UTRN: variants seen among roughly 807,000 people sequenced by gnomAD.
The protein encoded by UTRN is dystrophin-related protein 1.
UTRN carries 283 observed loss-of-function variants against 463.9 expected under a neutral mutation model. The observed-to-expected ratio is 0.61, with a 90% confidence interval of 0.55 to 0.67. UTRN has a LOEUF of 0.67. Ranked by LOEUF, UTRN falls within the 30% of genes least tolerant of loss-of-function variation. The pLI is 0.00. For missense variants in UTRN, 3,922 were observed against 4,084.3 expected (o/e 0.96, Z 1.08); for synonymous variants, 1,442 against 1,431.5 (o/e 1.01, Z -0.17).
At chr6:144,427,320 G>T (rs1785383652) in intron 7 of UTRN, among the ~76,000 whole-genome samples, 2 of 152,090 alleles carry the variant, frequency 1.3e-5, no homozygotes, top group Admixed American at 1.3e-4. Context: ...TGTTGTAAAT[G>T]ATTACTTTTC....
At chr6:144,458,051 C>T (rs996704125) in intron 19 of UTRN, among the ~76,000 whole-genome samples, 1 of 152,150 alleles carries the variant, frequency 6.6e-6, no homozygotes, top group African/African-American at 2.4e-5. Flanking sequence ...TTTTTAGGAA[C>T]ATTCTCTACT....
At chr6:144,583,203 T>G (rs1802144701) in intron 51 of UTRN, 1 of 322,106 alleles carries the variant, frequency 3.1e-6, no homozygotes, top group South Asian at 1.4e-4. Context: ...AGCGCTTGGC[T>G]GCTCGACAAC....
chr6:144,746,444 G>A (rs1366138655), intron 54 of UTRN, among the ~76,000 whole-genome samples: 1 of 152,000 alleles, frequency 6.6e-6, no homozygotes, highest in African/African-American at 2.4e-5. Flanking sequence ...CTCCTAGACA[G>A]TTACTTGAAC....
At chr6:144,355,909 C>A (rs1435589735) in intron 2 of UTRN, among the ~76,000 whole-genome samples, 1 of 151,978 alleles carries the variant, frequency 6.6e-6, no homozygotes, top group East Asian at 1.9e-4. Flanking sequence ...TAGAACATAC[C>A]AAATTTTGAA....
intron 2 of UTRN, among the ~76,000 whole-genome samples, chr6:144,384,467 C>T (rs1323013690): frequency 6.6e-6 from 1 of 152,010 alleles, no homozygotes; most frequent in African/African-American, 2.4e-5. Context: ...GAAACCACTC[C>T]CCCACTGCCT....
chr6:144,567,487 C>T (rs1466626917), intron 50 of UTRN, among the ~76,000 whole-genome samples: 2 of 152,072 alleles, frequency 1.3e-5, no homozygotes, highest in African/African-American at 2.4e-5. Flanking sequence ...AGAGATGCTC[C>T]TTTGGGTTCA....
chr6:144,515,354 AGTC>A (rs1181758049), intron 37 of UTRN, among the ~76,000 whole-genome samples: 38 of 152,362 alleles, frequency 2.5e-4, no homozygotes, highest in African/African-American at 8.7e-4. Context: ...TCAAAGACTC[AGTC>A]AAAGGTTAGA....
At chr6:144,439,498 C>CTTT (rs201351028) in intron 12 of UTRN, among the ~76,000 whole-genome samples, 4 of 151,654 alleles carry the variant, frequency 2.6e-5, no homozygotes, top group African/African-American at 7.3e-5. Flanking sequence ...TTCTTTCTTT[C>CTTT]TTTCTTTTTT....
At chr6:144,762,462 CA>C (rs1792813151) in intron 58 of UTRN, among the ~76,000 whole-genome samples, 1 of 152,224 alleles carries the variant, frequency 6.6e-6, no homozygotes. Context: ...CAACTGAGTC[CA>C]GCTGTCCAAG....
chr6:144,715,740 A>G (rs1306887016), intron 53 of UTRN, among the ~76,000 whole-genome samples: 3 of 136,574 alleles, frequency 2.2e-5, no homozygotes, highest in Non-Finnish European at 4.5e-5. Flanking sequence ...AGCATTTATC[A>G]GAATCTAACA....
chr6:144,698,759 A>G lies in UTRN; in HGVS notation c.7653-1328A>G, dbSNP rs373781684. ...AACATGTGCATAGATTTATACTCCTATTCTCAAGGGCCTTTGCTCTTATTG... is the reference window on the plus strand; with the variant it reads ...AACATGTGCATAGATTTATACTCCTGTTCTCAAGGGCCTTTGCTCTTATTG... On this transcript the variant is annotated intron_variant, in intron 52 of 74. Transcript: ENST00000367545. Among the ~76,000 whole-genome samples, 18 of 152,372 alleles carry G rather than the reference A, an allele frequency of 1.2e-4. No individual in the cohort carries two copies. In the East Asian group the frequency reaches 1.5e-3, roughly 13 times the overall value.
At chr6:144,302,819 G>A (rs934982832) in intron 2 of UTRN, among the ~76,000 whole-genome samples, 7 of 152,200 alleles carry the variant, frequency 4.6e-5, no homozygotes, top group African/African-American at 1.7e-4. Flanking sequence ...TGAAGGATGT[G>A]TAAGAGGCAA....
intron 56 of UTRN, among the ~76,000 whole-genome samples, chr6:144,753,004 T>A (rs574169736): frequency 6.6e-6 from 1 of 152,294 alleles, no homozygotes; most frequent in African/African-American, 2.4e-5. Context: ...AGGAGTAATA[T>A]TTTCTTTACT....
Position 144,700,236 on chromosome 6 carries a change from A to T in UTRN, c.7802A>T (p.His2601Leu), listed in dbSNP as rs1429011200. 1 of 1,611,960 alleles carries T rather than the reference A, an allele frequency of 6.2e-7. No individual in the cohort carries two copies. Among genetic ancestry groups the T allele is most frequent in the South Asian group, 1.1e-5 (1 of 90,878 alleles). Reference protein sequence around the residue: ...DVPALQLQYDHCKALRRELKE... With the variant: ...DVPALQLQYDLCKALRRELKE... Reference sequence around the variant, plus strand: ...CCAGCCTTACAGCTCCAGTATGACCATTGTAAGGTAAGTGGATAACCTATA... The same window carrying T: ...CCAGCCTTACAGCTCCAGTATGACCTTTGTAAGGTAAGTGGATAACCTATA... The change falls in exon 53 of 75, where the codon CAT becomes CTT. Residue 2601 changes from histidine (H) to leucine (L), a missense_variant. Coordinates refer to ENST00000367545, the MANE Select transcript of UTRN (RefSeq NM_007124.3).
chr6:144,838,330 T>C (rs1336130064), intron 71 of UTRN, among the ~76,000 whole-genome samples: 1 of 152,208 alleles, frequency 6.6e-6, no homozygotes. Flanking sequence ...AGAGCTCTTA[T>C]CTCTTCTAAA....
chr6:144,410,355 G>A (rs1234360670), intron 3 of UTRN, among the ~76,000 whole-genome samples: 1 of 152,098 alleles, frequency 6.6e-6, no homozygotes, highest in Non-Finnish European at 1.5e-5. Context: ...ATTGTTTCCT[G>A]AGTTTGCCTA....
chr6:144,769,121 CT>C (rs1166021599), intron 58 of UTRN, among the ~76,000 whole-genome samples: 1 of 151,852 alleles, frequency 6.6e-6, no homozygotes. Flanking sequence ...AGAACCCAAG[CT>C]GTTGTTATTT....
intron 45 of UTRN, among the ~76,000 whole-genome samples, chr6:144,539,790 C>T (rs2128606065): frequency 6.6e-6 from 1 of 151,954 alleles, no homozygotes; most frequent in South Asian, 2.1e-4. Context: ...ACCTGTAATC[C>T]CAACACTTTG....
chr6:144,627,019 AT>A (rs1387450054), intron 51 of UTRN, among the ~76,000 whole-genome samples: 5 of 152,192 alleles, frequency 3.3e-5, no homozygotes, highest in Non-Finnish European at 7.3e-5. Context: ...AAGATTTGAT[AT>A]ATACAAACAA....
Sources: gnomAD v4.1 joint callset for allele counts (sites outside exome capture counted in the v4.1 genomes callset) on GRCh38, gnomAD v4.1.1 for gene constraint, MANE v1.5 for transcripts, NCBI Gene and HGNC (gene_info 2026-07-23, HGNC 2026-07-21) for gene names.